BCL2: variants seen among roughly 807,000 people sequenced by gnomAD.
The protein encoded by BCL2 is apoptosis regulator Bcl-2.
BCL2 carries 1 observed loss-of-function variant against 14.2 expected under a neutral mutation model. The ratio of observed to expected loss-of-function variants is 0.07; its 90% CI spans 0.02 to 0.33. The LOEUF is 0.33. Among genes scored for constraint, BCL2 ranks in the 10% least tolerant of loss-of-function variants. The probability of loss-of-function intolerance (pLI) is 0.99; values close to 1 mark genes in which losing one functional copy is unlikely to be tolerated. For synonymous variants in BCL2, 151 were observed against 137.2 expected, an observed-to-expected ratio of 1.10 and a Z score of -0.70; for missense variants, 247 against 305.9, an observed-to-expected ratio of 0.81 and a Z score of 1.44.
chr18:63,291,596 C>T (rs1231547274), intron 2 of BCL2, among the ~76,000 whole-genome samples: 1 of 152,154 alleles, frequency 6.6e-6, no homozygotes. Context: ...TGTACCATCC[C>T]AATCTGTAAA....
At chr18:63,156,968 C>T (rs916854549) in intron 2 of BCL2, among the ~76,000 whole-genome samples, 2 of 152,228 alleles carry the variant, frequency 1.3e-5, no homozygotes, top group African/African-American at 4.8e-5. Context: ...TGAGTAGCTA[C>T]CGCAGCTACT....
chr18:63,306,161 G>A (rs1913126921), intron 2 of BCL2, among the ~76,000 whole-genome samples: 1 of 152,228 alleles, frequency 6.6e-6, no homozygotes, highest in Non-Finnish European at 1.5e-5. Context: ...TTTCCAAGTT[G>A]TACAGAAAGA....
At position 63,126,457 on chromosome 18, in the gene BCL2, G is replaced by A. The variant is rs780455853; in HGVS notation, c.*2168C>T. ...ATTTTTAACTGAATGAATCTCATGG[G>A]TTTAACCAAACATGCATGTAATCCT... is the stretch of plus-strand genomic sequence containing the variant. On this transcript the variant is annotated 3_prime_UTR_variant, in exon 3 of 3. Coordinates refer to ENST00000333681, the MANE Select transcript of BCL2 (RefSeq NM_000633.3). The A allele has an allele frequency of 1.8e-5, 4 of 227,636 alleles. No homozygotes were observed. The highest frequency in any genetic ancestry group is 3.5e-5 in the Non-Finnish European group (4 of 114,526). The allele number at this position is 227,636 out of a possible 1,614,324, so 14.1% of individuals were successfully genotyped here. A position where few individuals can be genotyped will look rare whatever the true frequency, so the allele number is the denominator to read the frequency against.
chr18:63,140,925 A>G (rs1457809107), intron 2 of BCL2, among the ~76,000 whole-genome samples: 1 of 152,186 alleles, frequency 6.6e-6, no homozygotes, highest in Non-Finnish European at 1.5e-5. Flanking sequence ...TCGGCTCACA[A>G]GTGTAATGAG....
intron 2 of BCL2, chr18:63,151,444 CA>C: frequency 7.4e-6 from 1 of 135,992 alleles, no homozygotes; most frequent in East Asian, 2.1e-4. Flanking sequence ...CATGACGGTT[CA>C]GAGAAGGGCG....
chr18:63,127,640 C>T lies in BCL2; in HGVS notation c.*985G>A, dbSNP rs541093229. ...CCAGGCCTCCAAGCTGGGACACAGG[C>T]AGGTTCTGCGGACTTCGGTCTCCTA... On this transcript the variant is annotated 3_prime_UTR_variant, in exon 3 of 3. Coordinates refer to ENST00000333681, the MANE Select transcript of BCL2 (RefSeq NM_000633.3). 29 of 230,736 alleles carry T rather than the reference C, an allele frequency of 1.3e-4. No individual in the cohort carries two copies. Among genetic ancestry groups the T allele is most frequent in the African/African-American group, 5.5e-4 (25 of 45,334 alleles). The allele number at this position is 230,736 out of a possible 1,614,324, so 14.3% of individuals were successfully genotyped here.
chr18:63,190,152 T>TA (rs1431489541), intron 2 of BCL2, among the ~76,000 whole-genome samples: 1 of 152,024 alleles, frequency 6.6e-6, no homozygotes, highest in Non-Finnish European at 1.5e-5. Context: ...TCTCCCAGGA[T>TA]AAAAAAATGT....
intron 2 of BCL2, among the ~76,000 whole-genome samples, chr18:63,307,306 C>T (rs576763134): frequency 2.0e-5 from 3 of 152,216 alleles, no homozygotes; most frequent in South Asian, 2.1e-4. Context: ...TTAAGTATTC[C>T]GTACAAAAGG....
chr18:63,153,077 G>A (rs1914689240), intron 2 of BCL2, among the ~76,000 whole-genome samples: 1 of 152,148 alleles, frequency 6.6e-6, no homozygotes, highest in Non-Finnish European at 1.5e-5. Context: ...AGAGGAAAGA[G>A]CACACACATT....
chr18:63,188,697 T>G (rs1428708629), intron 2 of BCL2, among the ~76,000 whole-genome samples: 1 of 152,156 alleles, frequency 6.6e-6, no homozygotes, highest in Non-Finnish European at 1.5e-5. Flanking sequence ...TTTGTAATAA[T>G]ATTAATTTCA....
chr18:63,225,093 A>G (rs1910508460), intron 2 of BCL2, among the ~76,000 whole-genome samples: 1 of 152,216 alleles, frequency 6.6e-6, no homozygotes, highest in Non-Finnish European at 1.5e-5. Flanking sequence ...GCTTTGTGGA[A>G]AAAGGTACTG....
At chr18:63,188,188 C>T (rs910267143) in intron 2 of BCL2, among the ~76,000 whole-genome samples, 3 of 152,198 alleles carry the variant, frequency 2.0e-5, no homozygotes, top group African/African-American at 7.2e-5. Context: ...CCCACAAAGA[C>T]ACTGCCTGAA....
At chr18:63,198,932 GAC>G (rs1491311322) in intron 2 of BCL2, among the ~76,000 whole-genome samples, 2 of 148,748 alleles carry the variant, frequency 1.3e-5, no homozygotes, top group African/African-American at 2.5e-5. Flanking sequence ...CAGACACAGA[GAC>G]ACACACTGAC....
intron 2 of BCL2, among the ~76,000 whole-genome samples, chr18:63,306,826 A>G (rs1305328381): frequency 6.9e-6 from 1 of 145,844 alleles, no homozygotes; most frequent in Non-Finnish European, 1.5e-5. Flanking sequence ...TTAAAATATT[A>G]TGAGGTTTTT....
At chr18:63,165,820 G>A (rs538807448) in intron 2 of BCL2, among the ~76,000 whole-genome samples, 40 of 152,188 alleles carry the variant, frequency 2.6e-4, no homozygotes, top group Non-Finnish European at 4.3e-4. Flanking sequence ...ATCTAAGCCC[G>A]AGGGGATGTC....
intron 2 of BCL2, among the ~76,000 whole-genome samples, chr18:63,274,433 C>T (rs182745635): frequency 6.5e-4 from 98 of 151,656 alleles, no homozygotes; most frequent in African/African-American, 1.7e-4. Context: ...TACAGGTGCC[C>T]GCTACCATGC....
intron 2 of BCL2, among the ~76,000 whole-genome samples, chr18:63,148,889 C>T (rs1308827412): frequency 6.6e-6 from 1 of 152,034 alleles, no homozygotes; most frequent in Non-Finnish European, 1.5e-5. Context: ...ACCAAGAATA[C>T]GTAACTTTTC....
At chr18:63,196,563 T>TG (rs1184635121) in intron 2 of BCL2, among the ~76,000 whole-genome samples, 1 of 152,092 alleles carries the variant, frequency 6.6e-6, no homozygotes, top group Non-Finnish European at 1.5e-5. Flanking sequence ...GTCTTTTTTT[T>TG]GGCTTTGAAA....
At chr18:63,177,649 A>G (rs776790320) in intron 2 of BCL2, among the ~76,000 whole-genome samples, 4 of 152,246 alleles carry the variant, frequency 2.6e-5, no homozygotes, top group Non-Finnish European at 4.4e-5. Context: ...ACAAGGTGTG[A>G]TAGATCAGTA....
Sources: allele counts gnomAD v4.1 joint callset (sites outside exome capture counted in the v4.1 genomes callset), GRCh38; gene constraint gnomAD v4.1.1; transcripts MANE v1.5; gene names NCBI Gene and HGNC (gene_info 2026-07-23, HGNC 2026-07-21).